The following LRP1B variants were observed in gnomAD, a reference collection of about 807,000 sequenced individuals.
The protein encoded by LRP1B is low-density lipoprotein receptor-related protein 1B.
Under a neutral mutation model 556.6 loss-of-function variants are expected in LRP1B, and 217 were observed. That is an observed-to-expected ratio of 0.39 (90% CI 0.35 to 0.44). LRP1B has a LOEUF of 0.44. LRP1B is among the 20% of genes least tolerant of loss of function. The pLI is 1.00. For synonymous variants in LRP1B, 2,047 were observed against 1,865.8 expected, an observed-to-expected ratio of 1.10 and a Z score of -2.50; for missense variants, 5,053 against 5,620.8, an observed-to-expected ratio of 0.90 and a Z score of 3.23.
intron 1 of LRP1B, among the ~76,000 whole-genome samples, chr2:142,107,350 G>A (rs975677697): frequency 6.6e-6 from 1 of 152,122 alleles, no homozygotes; most frequent in Non-Finnish European, 1.5e-5. Flanking sequence ...TTGTGAGAAT[G>A]AGTTAGTTAT....
chr2:140,297,685 G>T, intron 84 of LRP1B, 123 bp downstream of exon 84: 1 of 1,035,274 alleles, frequency 9.7e-7, no homozygotes, highest in Non-Finnish European at 1.4e-6. Context: ...TTGTTGGAGT[G>T]ACAGAGACTG....
In LRP1B at chr2:141,528,108, G is replaced by A. The variant is rs116345704; in HGVS notation, c.206-47575C>T. ...CCTCTCACTATTTACTCCCCTAGAT[G>A]TCTCCACGCTCCCTCTTCCAGTGGC... On this transcript the variant is annotated intron_variant, in intron 2 of 90. Coordinates refer to ENST00000389484, the MANE Select transcript of LRP1B (RefSeq NM_018557.3). Among the ~76,000 whole-genome samples, 263 of 151,612 alleles carry A rather than the reference G, an allele frequency of 1.7e-3. 3 individuals are homozygous for A. Among genetic ancestry groups the A allele is most frequent in the Non-Finnish European group, 3.3e-3 (225 of 67,918 alleles).
At chr2:141,214,711 GGT>G (rs1419866024) in intron 6 of LRP1B, among the ~76,000 whole-genome samples, 1 of 152,134 alleles carries the variant, frequency 6.6e-6, no homozygotes, top group Admixed American at 6.6e-5. Flanking sequence ...TATGTTCATT[GGT>G]GTTACGTCCC....
At chr2:140,277,495 G>A (rs1278037387) in intron 84 of LRP1B, among the ~76,000 whole-genome samples, 1 of 151,976 alleles carries the variant, frequency 6.6e-6, no homozygotes, top group Non-Finnish European at 1.5e-5. Context: ...GCTGAGGCAG[G>A]AGAATCGCTT....
intron 2 of LRP1B, among the ~76,000 whole-genome samples, chr2:141,607,211 A>G (rs1013605850): frequency 3.9e-5 from 6 of 152,180 alleles, no homozygotes; most frequent in African/African-American, 1.4e-4. Flanking sequence ...CAAAACAGAC[A>G]TAAGTGAGTG....
chr2:141,427,977 A>G (rs1311549073), intron 3 of LRP1B, among the ~76,000 whole-genome samples: 1 of 152,160 alleles, frequency 6.6e-6, no homozygotes, highest in Non-Finnish European at 1.5e-5. Context: ...TAGAAATGTT[A>G]TATTTCAGAG....
chr2:140,793,505 A>G (rs1182334890), intron 32 of LRP1B, among the ~76,000 whole-genome samples: 1 of 152,022 alleles, frequency 6.6e-6, no homozygotes, highest in Admixed American at 6.6e-5. Context: ...ACACTCCCAA[A>G]TAAATAATAC....
chr2:140,472,441 A>G (rs1687808661), intron 60 of LRP1B, among the ~76,000 whole-genome samples: 1 of 152,128 alleles, frequency 6.6e-6, no homozygotes, highest in Non-Finnish European at 1.5e-5. Flanking sequence ...GGAGAGGTTC[A>G]TGTGACTAAG....
chr2:140,372,466 TA>T (rs973413765), intron 69 of LRP1B, among the ~76,000 whole-genome samples: 2 of 152,140 alleles, frequency 1.3e-5, no homozygotes, highest in Non-Finnish European at 2.9e-5. Flanking sequence ...AATATATAAT[TA>T]AAAAATGAAG....
chr2:140,872,287 C>A (rs1475969823), intron 25 of LRP1B, among the ~76,000 whole-genome samples: 1 of 148,368 alleles, frequency 6.7e-6, no homozygotes, highest in African/African-American at 2.5e-5. Flanking sequence ...TTTTTCCTTA[C>A]AGAATCTCAA....
intron 1 of LRP1B, among the ~76,000 whole-genome samples, chr2:142,069,678 C>G (rs1420285864): frequency 6.6e-6 from 1 of 151,738 alleles, no homozygotes; most frequent in African/African-American, 2.4e-5. Flanking sequence ...CAATAAATCT[C>G]AATTTGTACA....
At chr2:141,897,332 G>C (rs1044384840) in intron 1 of LRP1B, among the ~76,000 whole-genome samples, 1 of 152,154 alleles carries the variant, frequency 6.6e-6, no homozygotes, top group African/African-American at 2.4e-5. Flanking sequence ...CAATTGTTCA[G>C]ATGTCTAGGC....
At position 140,461,857 on chromosome 2, in the gene LRP1B, G is replaced by T. The variant is rs578164678; in HGVS notation, c.9626-4206C>A. Among the ~76,000 whole-genome samples the T allele has an allele frequency of 5.3e-5, 8 of 151,900 alleles. No individual in the cohort carries two copies. The South Asian group carries it at 1.5e-3, about 28-fold the overall frequency. ...TCAAAAAATAAAAAAAAAATAAAAG[G>T]TTATAAAGTCTTTATTCATATTTTC... is the stretch of plus-strand genomic sequence containing the variant. On this transcript the variant is annotated intron_variant, in intron 60 of 90. Transcript: ENST00000389484.
chr2:141,519,158 C>A (rs1370725399), intron 2 of LRP1B, among the ~76,000 whole-genome samples: 2 of 151,780 alleles, frequency 1.3e-5, no homozygotes, highest in Admixed American at 6.6e-5. Context: ...AAGACTATTT[C>A]TTTTACATTA....
chr2:141,119,234 G>A (rs1321390000), intron 7 of LRP1B, among the ~76,000 whole-genome samples: 6 of 151,736 alleles, frequency 4.0e-5, no homozygotes, highest in African/African-American at 1.5e-4. Flanking sequence ...TCACTCAATT[G>A]TCCTAAAAGA....
At chr2:141,485,022 G>A (rs1260571126) in intron 2 of LRP1B, among the ~76,000 whole-genome samples, 4 of 152,118 alleles carry the variant, frequency 2.6e-5, no homozygotes, top group Non-Finnish European at 4.4e-5. Context: ...GTGGCCAGAA[G>A]AGAGGCTCAG....
chr2:142,110,163 C>G (rs946225867), intron 1 of LRP1B, among the ~76,000 whole-genome samples: 1 of 152,030 alleles, frequency 6.6e-6, no homozygotes, highest in Non-Finnish European at 1.5e-5. Flanking sequence ...GCCCATCATT[C>G]TTCCTGGAAT....
chr2:141,399,331 C>G (rs1240499089), intron 3 of LRP1B, among the ~76,000 whole-genome samples: 1 of 152,086 alleles, frequency 6.6e-6, no homozygotes, highest in Non-Finnish European at 1.5e-5. Flanking sequence ...TGAGATGTAC[C>G]TTACATGTAT....
Position 140,601,042 on chromosome 2 carries a change from A to C in LRP1B, c.6989+408T>G, listed in dbSNP as rs535900660. ...TGCAGTTTGCTTTCTTTTGTATTGC[A>C]ATTTGGGAGATCTCCAGATGCTATA... On this transcript the variant is annotated intron_variant, in intron 42 of 90. Coordinates refer to ENST00000389484, the MANE Select transcript of LRP1B (RefSeq NM_018557.3). 3.8e-4 allele frequency among the ~76,000 whole-genome samples: 58 copies of C among 150,924 alleles called. 2 individuals are homozygous for C. The South Asian group carries it at 7.3e-3, about 19-fold the overall frequency.
Sources: allele counts gnomAD v4.1 joint callset (sites outside exome capture counted in the v4.1 genomes callset), GRCh38; gene constraint gnomAD v4.1.1; transcripts MANE v1.5; gene names NCBI Gene and HGNC (gene_info 2026-07-23, HGNC 2026-07-21).